DPP10: variants seen among roughly 807,000 people sequenced by gnomAD.
DPP10 encodes the protein inactive dipeptidyl peptidase 10.
DPP10 carries 33 observed loss-of-function variants against 120.9 expected under a neutral mutation model. The observed-to-expected ratio is 0.27, with a 90% CI of 0.21 to 0.37. The LOEUF is 0.37. Among genes scored for constraint, DPP10 ranks in the 10% least tolerant of loss-of-function variants. The probability of loss-of-function intolerance (pLI) is 1.00; values close to 1 mark genes in which losing one functional copy is unlikely to be tolerated. For synonymous variants in DPP10, 337 were observed against 326.1 expected, an observed-to-expected ratio of 1.03 and a Z score of -0.36; for missense variants, 816 against 942.8, an observed-to-expected ratio of 0.87 and a Z score of 1.76.
intron 3 of DPP10, among the ~76,000 whole-genome samples, chr2:115,484,232 A>G (rs1162250191): frequency 6.7e-6 from 1 of 148,832 alleles, no homozygotes; most frequent in Non-Finnish European, 1.5e-5. Flanking sequence ...TGCCAAACTT[A>G]TGGTGAGTTT....
intron 1 of DPP10, among the ~76,000 whole-genome samples, chr2:115,139,352 GA>G (rs1185742612): frequency 1.4e-5 from 2 of 146,260 alleles, no homozygotes; most frequent in Non-Finnish European, 3.0e-5. Context: ...AAAGTTCATA[GA>G]TTTTTTTAAT....
intron 3 of DPP10, among the ~76,000 whole-genome samples, chr2:115,360,122 G>T (rs981946093): frequency 3.3e-5 from 5 of 152,138 alleles, no homozygotes; most frequent in African/African-American, 1.2e-4. Flanking sequence ...TTTCAATTTG[G>T]TAAGGATCCA....
intron 1 of DPP10, among the ~76,000 whole-genome samples, chr2:114,709,993 AC>A (rs1281365089): frequency 6.6e-6 from 1 of 152,244 alleles, no homozygotes; most frequent in African/African-American, 2.4e-5. Context: ...AAAGCATCTG[AC>A]CTACTTTCAG....
intron 3 of DPP10, among the ~76,000 whole-genome samples, chr2:115,400,964 A>C (rs1429137543): frequency 1.3e-5 from 2 of 152,236 alleles, no homozygotes; most frequent in Non-Finnish European, 2.9e-5. Context: ...GTGAGTACTT[A>C]GGTGGGAACA....
At chr2:114,464,413 A>G (rs914066149) in intron 1 of DPP10, among the ~76,000 whole-genome samples, 5 of 149,298 alleles carry the variant, frequency 3.3e-5, no homozygotes, top group African/African-American at 7.7e-5. Flanking sequence ...GAGTCTGTTC[A>G]GTTATTTTGC....
chr2:114,446,054 G>A (rs1001315192), intron 1 of DPP10, among the ~76,000 whole-genome samples: 3 of 152,174 alleles, frequency 2.0e-5, no homozygotes, highest in African/African-American at 7.2e-5. Flanking sequence ...ATGTTTAATG[G>A]AAAGTTTTAG....
intron 3 of DPP10, among the ~76,000 whole-genome samples, chr2:115,414,250 G>A (rs746475720): frequency 1.3e-5 from 2 of 152,152 alleles, no homozygotes; most frequent in African/African-American, 4.8e-5. Context: ...ATGAATAAAT[G>A]TACTTTCAAG....
chr2:115,546,212 T>C (rs2148984503), intron 5 of DPP10, among the ~76,000 whole-genome samples: 1 of 152,274 alleles, frequency 6.6e-6, no homozygotes, highest in East Asian at 1.9e-4. Context: ...GAACAGCCAC[T>C]ACCTACTTGA....
At chr2:114,588,023 A>G (rs1691147884) in intron 1 of DPP10, among the ~76,000 whole-genome samples, 2 of 152,366 alleles carry the variant, frequency 1.3e-5, no homozygotes, top group South Asian at 4.1e-4. Context: ...ACAAGGTCCC[A>G]GGTGTTTTAG....
At chr2:115,408,943 T>C (rs2068732302) in intron 3 of DPP10, among the ~76,000 whole-genome samples, 1 of 151,328 alleles carries the variant, frequency 6.6e-6, no homozygotes, top group South Asian at 2.1e-4. Flanking sequence ...TAGAAGTAAA[T>C]AAATAGTAGA....
intron 1 of DPP10, among the ~76,000 whole-genome samples, chr2:115,093,064 A>G (rs1290462928): frequency 2.0e-5 from 3 of 152,184 alleles, no homozygotes; most frequent in Non-Finnish European, 2.9e-5. Flanking sequence ...GAAGATAGGA[A>G]CTAGGAAATA....
intron 1 of DPP10, among the ~76,000 whole-genome samples, chr2:115,128,901 T>C (rs1050047690): frequency 3.3e-5 from 5 of 152,196 alleles, no homozygotes; most frequent in African/African-American, 1.2e-4. Context: ...GTTCATGGTA[T>C]GTGTGCAAAA....
chr2:115,612,155 T>C (rs2084151357), intron 5 of DPP10, among the ~76,000 whole-genome samples: 1 of 152,184 alleles, frequency 6.6e-6, no homozygotes, highest in Admixed American at 6.5e-5. Context: ...ATCCATATTT[T>C]TATATGCTCA....
chr2:115,589,863 T>TAACTC (rs1333147560), intron 5 of DPP10, among the ~76,000 whole-genome samples: 34 of 152,288 alleles, frequency 2.2e-4, no homozygotes, highest in Non-Finnish European at 2.2e-4. Flanking sequence ...TTCTGCCAAA[T>TAACTC]AACTCATCTA....
At chr2:114,825,693 TAAAG>T (rs1360591691) in intron 1 of DPP10, among the ~76,000 whole-genome samples, 2 of 152,190 alleles carry the variant, frequency 1.3e-5, no homozygotes, top group African/African-American at 4.8e-5. Flanking sequence ...GAATTTGAGA[TAAAG>T]AGACATATGC....
chr2:115,201,585 G>GTT (rs2055725567), intron 1 of DPP10, among the ~76,000 whole-genome samples: 3 of 152,314 alleles, frequency 2.0e-5, no homozygotes, highest in Non-Finnish European at 4.4e-5. Flanking sequence ...TACTAATTGT[G>GTT]TCTAGACATA....
chr2:115,362,698 C>T (rs997749330), intron 3 of DPP10, among the ~76,000 whole-genome samples: 4 of 152,098 alleles, frequency 2.6e-5, no homozygotes, highest in South Asian at 2.1e-4. Context: ...ATCAGTTTAT[C>T]GCCATGTCAA....
intron 5 of DPP10, among the ~76,000 whole-genome samples, chr2:115,533,790 C>T (rs2078620170): frequency 6.6e-6 from 1 of 152,048 alleles, no homozygotes; most frequent in Admixed American, 6.6e-5. Context: ...AATCCTCCTG[C>T]CTTCTAGTGC....
At chr2:114,877,705 A>G (rs969862821) in intron 1 of DPP10, among the ~76,000 whole-genome samples, 15 of 152,206 alleles carry the variant, frequency 9.9e-5, no homozygotes, top group African/African-American at 3.6e-4. Flanking sequence ...TCAAGATGAC[A>G]ATAGCATCAC....
Sources: gnomAD v4.1 joint callset for allele counts (sites outside exome capture counted in the v4.1 genomes callset) on GRCh38, gnomAD v4.1.1 for gene constraint, MANE v1.5 for transcripts, NCBI Gene and HGNC (gene_info 2026-07-23, HGNC 2026-07-21) for gene names.